The following PTPRD variants were observed in gnomAD, a reference collection of about 807,000 sequenced individuals.
PTPRD encodes the protein receptor-type tyrosine-protein phosphatase delta.
Under a neutral mutation model 214.5 loss-of-function variants are expected in PTPRD, and 34 were observed. The observed-to-expected ratio is 0.16, with a 90% CI of 0.12 to 0.21. The LOEUF is 0.21. PTPRD is among the 10% of genes least tolerant of loss of function. The probability of loss-of-function intolerance (pLI) is 1.00; values close to 1 mark genes in which losing one functional copy is unlikely to be tolerated. For synonymous variants in PTPRD, 1,128 were observed against 845.7 expected, an observed-to-expected ratio of 1.33 and a Z score of -5.79; for missense variants, 2,545 against 2,398.7, an observed-to-expected ratio of 1.06 and a Z score of -1.27.
chr9:10,162,026 A>C (rs967566685), intron 3 of PTPRD, among the ~76,000 whole-genome samples: 1 of 151,590 alleles, frequency 6.6e-6, no homozygotes, highest in Non-Finnish European at 1.5e-5. Flanking sequence ...TGGTATTTAT[A>C]AAAAAATAAA....
At chr9:8,651,701 A>G (rs908754346) in intron 12 of PTPRD, among the ~76,000 whole-genome samples, 1 of 152,088 alleles carries the variant, frequency 6.6e-6, no homozygotes, top group Non-Finnish European at 1.5e-5. Flanking sequence ...TAAAAAATCA[A>G]CTCAAAGAGG....
chr9:10,368,316 T>C (rs2097550336), intron 2 of PTPRD, among the ~76,000 whole-genome samples: 1 of 152,122 alleles, frequency 6.6e-6, no homozygotes, highest in African/African-American at 2.4e-5. Flanking sequence ...AGACCTACAA[T>C]GTCTTCTAAA....
At chr9:9,593,296 A>C (rs986066440) in intron 7 of PTPRD, among the ~76,000 whole-genome samples, 6 of 149,894 alleles carry the variant, frequency 4.0e-5, no homozygotes, top group African/African-American at 1.5e-4. Context: ...ATGGAAACTT[A>C]ACTTTTTTTT....
At chr9:9,333,995 A>T (rs982858463) in intron 9 of PTPRD, among the ~76,000 whole-genome samples, 2 of 151,976 alleles carry the variant, frequency 1.3e-5, no homozygotes, top group African/African-American at 2.4e-5. Context: ...GGGAGGAACT[A>T]TGACTAAGCT....
intron 2 of PTPRD, among the ~76,000 whole-genome samples, chr9:10,418,118 T>G (rs962941049): frequency 2.0e-5 from 3 of 151,854 alleles, no homozygotes; most frequent in Non-Finnish European, 4.4e-5. Flanking sequence ...ATATGGCGCT[T>G]GCTATTGTTT....
intron 9 of PTPRD, among the ~76,000 whole-genome samples, chr9:9,339,706 C>T (rs537525913): frequency 5.9e-5 from 9 of 152,222 alleles, no homozygotes; most frequent in South Asian, 2.1e-4. Flanking sequence ...TATTTGCTTA[C>T]GTAAGTAATT....
rs964244415 is a variant in PTPRD, at chr9:8,608,953, G to A, written c.352+24364C>T. ...AGTGATGAGACTCAGACAGGACTTCGCAAAGAAGCAACCAGGTGAAAAACA... is the reference window on the plus strand; with the variant it reads ...AGTGATGAGACTCAGACAGGACTTCACAAAGAAGCAACCAGGTGAAAAACA... On this transcript the variant is annotated intron_variant, in intron 14 of 45. Transcript: ENST00000381196. 6.6e-5 allele frequency among the ~76,000 whole-genome samples: 10 copies of A among 152,196 alleles called. No individual in the cohort carries two copies. In the East Asian group the frequency reaches 1.9e-3, roughly 30 times the overall value.
At chr9:8,702,773 A>T (rs1391453996) in intron 12 of PTPRD, among the ~76,000 whole-genome samples, 1 of 152,134 alleles carries the variant, frequency 6.6e-6, no homozygotes, top group Non-Finnish European at 1.5e-5. Flanking sequence ...ACGCCCAGCG[A>T]ATTTTTTGTA....
intron 9 of PTPRD, among the ~76,000 whole-genome samples, chr9:9,307,785 T>C (rs560834248): frequency 3.9e-4 from 60 of 152,300 alleles, no homozygotes; most frequent in African/African-American, 1.4e-3. Flanking sequence ...AAATTTATGA[T>C]CTATCATTTG....
intron 11 of PTPRD, among the ~76,000 whole-genome samples, chr9:8,829,903 T>A (rs1009620238): frequency 6.6e-6 from 1 of 152,220 alleles, no homozygotes; most frequent in Non-Finnish European, 1.5e-5. Context: ...TGCTATTACT[T>A]GTATGAAACC....
At chr9:9,076,312 T>C (rs1302414004) in intron 10 of PTPRD, among the ~76,000 whole-genome samples, 1 of 152,152 alleles carries the variant, frequency 6.6e-6, no homozygotes, top group Non-Finnish European at 1.5e-5. Flanking sequence ...GACGGGGAGA[T>C]TGCAAAAATT....
At chr9:8,373,612 GGT>G (rs36212158) in intron 39 of PTPRD, among the ~76,000 whole-genome samples, 4,218 of 141,430 alleles carry the variant, frequency 0.03, 115 homozygotes, top group East Asian at 0.069. Flanking sequence ...CATGGATGCG[GGT>G]GTGTGTGTGT....
At chr9:9,446,907 T>A (rs900508720) in intron 8 of PTPRD, among the ~76,000 whole-genome samples, 7 of 151,950 alleles carry the variant, frequency 4.6e-5, no homozygotes, top group African/African-American at 1.7e-4. Context: ...AAGAAGCATA[T>A]GAAAAAAAGC....
chr9:10,398,152 G>C (rs1055196919), intron 2 of PTPRD, among the ~76,000 whole-genome samples: 1 of 151,616 alleles, frequency 6.6e-6, no homozygotes, highest in Non-Finnish European at 1.5e-5. Flanking sequence ...GTGGAGGCCA[G>C]AGGAGTGCTT....
chr9:8,558,449 G>A (rs1392317247), intron 14 of PTPRD, among the ~76,000 whole-genome samples: 1 of 152,068 alleles, frequency 6.6e-6, no homozygotes, highest in Non-Finnish European at 1.5e-5. Flanking sequence ...GCCATGCCAC[G>A]TGCCACATCC....
intron 11 of PTPRD, among the ~76,000 whole-genome samples, chr9:8,804,267 A>T (rs143605215): frequency 2.8e-4 from 42 of 152,080 alleles, no homozygotes; most frequent in Admixed American, 9.8e-4. Flanking sequence ...ATTTCTCTTA[A>T]TAACACAAAT....
intron 11 of PTPRD, among the ~76,000 whole-genome samples, chr9:8,987,743 G>A (rs760418132): frequency 6.6e-6 from 1 of 152,050 alleles, no homozygotes; most frequent in Non-Finnish European, 1.5e-5. Flanking sequence ...GTTGAATGAA[G>A]TTGAAATTGT....
intron 7 of PTPRD, among the ~76,000 whole-genome samples, chr9:9,636,748 G>C (rs1459829158): frequency 6.6e-6 from 1 of 152,168 alleles, no homozygotes; most frequent in Non-Finnish European, 1.5e-5. Flanking sequence ...ATGTCACTGA[G>C]CCATTTAATT....
chr9:8,583,056 C>T (rs181308785), intron 14 of PTPRD, among the ~76,000 whole-genome samples: 65 of 152,270 alleles, frequency 4.3e-4, no homozygotes, highest in Admixed American at 1.4e-3. Flanking sequence ...CAGTGGTCCC[C>T]AACCGTTTTG....
Sources: gnomAD v4.1 joint callset for allele counts (sites outside exome capture counted in the v4.1 genomes callset) on GRCh38, gnomAD v4.1.1 for gene constraint, MANE v1.5 for transcripts, NCBI Gene and HGNC (gene_info 2026-07-23, HGNC 2026-07-21) for gene names.